The following SAMD12 variants were observed in gnomAD, a reference collection of about 807,000 sequenced individuals.
The protein encoded by SAMD12 is sterile alpha motif domain-containing protein 12.
A neutral mutation model predicts 15.0 loss-of-function variants in SAMD12; 9 were observed. The observed-to-expected ratio is 0.60, with a 90% CI of 0.36 to 1.05. The LOEUF (loss-of-function observed/expected upper bound fraction) is 1.05, where lower values mean the gene tolerates loss of function less well. Among genes scored for constraint, SAMD12 ranks in the 50% least tolerant of loss-of-function variants. The pLI is 0.01. For synonymous variants in SAMD12, 86 were observed against 90.1 expected (o/e 0.96, Z 0.25); for missense variants, 230 against 234.2 (o/e 0.98, Z 0.12).
At chr8:118,275,564 C>T (rs531166618) in intron 4 of SAMD12, among the ~76,000 whole-genome samples, 3 of 152,200 alleles carry the variant, frequency 2.0e-5, no homozygotes, top group South Asian at 4.1e-4. Context: ...GTAATTACAA[C>T]TTTTATTTTA....
rs71292164 is a variant in SAMD12 at position 118,447,704 on chromosome 8, A to ATATTTATTTATTTATTTATT, written c.193-7763_193-7744dup. On this transcript the variant is annotated intron_variant, in intron 2 of 3. Coordinates refer to ENST00000314727, the MANE Select transcript of SAMD12 (RefSeq NM_207506.3). ...TTTATTTTTTTATTTTTTATTTTTA[A>ATATTTATTTATTTATTTATT]TATTTATTTATTTATTTATTTATTT... Among the ~76,000 whole-genome samples, 264 of 138,278 alleles carry ATATTTATTTATTTATTTATT rather than the reference A, an allele frequency of 1.9e-3. 1 individual carries two copies. Among genetic ancestry groups the ATATTTATTTATTTATTTATT allele is most frequent in the African/African-American group, 6.3e-3 (228 of 36,478 alleles). The allele number at this position is 138,278 out of a possible 152,430, so 90.7% of individuals were successfully genotyped here. A position where few individuals can be genotyped will look rare whatever the true frequency, so the allele number is the denominator to read the frequency against.
rs570657064 is a variant in SAMD12 at position 118,508,539 on chromosome 8, T to A, written c.193-68578A>T. ...TGTTAATGTCATTTCAAATTACCCA[T>A]GATTTCTCCATGTCTGAGAAGATAA... On this transcript the variant is annotated intron_variant, in intron 2 of 3. Coordinates refer to ENST00000314727, the MANE Select transcript of SAMD12 (RefSeq NM_207506.3). 6.6e-5 allele frequency among the ~76,000 whole-genome samples: 10 copies of A among 152,360 alleles called. No homozygotes were observed. The South Asian group carries it at 1.9e-3, about 28-fold the overall frequency.
chr8:118,152,454 C>CCTA, the SAMD12 span, among the ~76,000 whole-genome samples: 4 of 144,280 alleles, frequency 2.8e-5, no homozygotes, highest in African/African-American at 1.1e-4. Context: ...CTCCCTCCCT[C>CCTA]CCTACCTTCC....
At chr8:118,132,980 AT>A in the SAMD12 span, among the ~76,000 whole-genome samples, 1 of 18,100 alleles carries the variant, frequency 5.5e-5, no homozygotes, top group African/African-American at 1.9e-4. Flanking sequence ...GTGTATATAT[AT>A]ATATATATAT....
intron 4 of SAMD12, among the ~76,000 whole-genome samples, chr8:118,232,569 G>A (rs938494376): frequency 2.0e-5 from 3 of 152,186 alleles, no homozygotes; most frequent in Non-Finnish European, 4.4e-5. Context: ...ACACCAGGCT[G>A]AGAGTCTCCA....
chr8:118,204,689 G>T (rs1819813236), intron 4 of SAMD12, among the ~76,000 whole-genome samples: 1 of 152,110 alleles, frequency 6.6e-6, no homozygotes. Context: ...GGGAGGCGGG[G>T]CTTGCAATGA....
At chr8:118,232,097 A>G (rs906928098) in intron 4 of SAMD12, among the ~76,000 whole-genome samples, 1 of 152,106 alleles carries the variant, frequency 6.6e-6, no homozygotes, top group African/African-American at 2.4e-5. Flanking sequence ...GCTTTCATAT[A>G]TCTTTTTGGT....
At chr8:118,336,303 G>T (rs1464772021) in intron 4 of SAMD12, among the ~76,000 whole-genome samples, 1 of 152,158 alleles carries the variant, frequency 6.6e-6, no homozygotes, top group African/African-American at 2.4e-5. Flanking sequence ...AAGCATAATT[G>T]CTCTCTTCTA....
chr8:118,338,062 A>G (rs1401834088), intron 4 of SAMD12, among the ~76,000 whole-genome samples: 1 of 152,230 alleles, frequency 6.6e-6, no homozygotes, highest in East Asian at 1.9e-4. Flanking sequence ...TCACTTAACA[A>G]TGTAGCACCT....
intron 4 of SAMD12, among the ~76,000 whole-genome samples, chr8:118,355,067 T>C (rs1818162627): frequency 6.6e-6 from 1 of 152,246 alleles, no homozygotes; most frequent in South Asian, 2.1e-4. Flanking sequence ...GAAGTCATTA[T>C]ATGAAAAAGA....
rs73708497 is a variant in SAMD12, at chr8:118,446,048, T to G, written c.193-6087A>C. On this transcript the variant is annotated intron_variant, in intron 2 of 3. Coordinates refer to ENST00000314727, the MANE Select transcript of SAMD12 (RefSeq NM_207506.3). ...CAAGTAACAGGTGTCAGTTCATCAT[T>G]TGAAATCCTTATTAACCAATGTATT... 8.7e-3 allele frequency among the ~76,000 whole-genome samples: 1,321 copies of G among 152,286 alleles called. 13 individuals carry two copies. Among genetic ancestry groups the G allele is most frequent in the Middle Eastern group, 0.027 (8 of 294 alleles).
chr8:118,536,809 C>A (rs1232085906), intron 2 of SAMD12, among the ~76,000 whole-genome samples: 1 of 152,296 alleles, frequency 6.6e-6, no homozygotes, highest in Non-Finnish European at 1.5e-5. Flanking sequence ...TTATACACCA[C>A]AATTACAGTG....
intron 4 of SAMD12, among the ~76,000 whole-genome samples, chr8:118,332,070 A>G (rs1469468589): frequency 6.6e-6 from 1 of 152,220 alleles, no homozygotes; most frequent in African/African-American, 2.4e-5. Context: ...AACTCAGGCC[A>G]TATAGCAAAA....
In SAMD12 at chr8:118,222,631, G is replaced by A. The variant is rs568475108; in HGVS notation, c.434-24899C>T. 5.3e-5 allele frequency among the ~76,000 whole-genome samples: 8 copies of A among 152,108 alleles called. No homozygotes were observed. The East Asian group carries it at 5.8e-4, about 11-fold the overall frequency. On this transcript the variant is annotated intron_variant, in intron 4 of 4. Coordinates refer to the SAMD12 transcript ENST00000409003. ...AGCGATTCTGCTGCCTCAGTCTCCCGAGTAGCTGGGATTACAGGTGTGTGC... is the reference window on the plus strand; with the variant it reads ...AGCGATTCTGCTGCCTCAGTCTCCCAAGTAGCTGGGATTACAGGTGTGTGC...
At chr8:118,261,209 T>C (rs147207756) in intron 4 of SAMD12, among the ~76,000 whole-genome samples, 3 of 152,236 alleles carry the variant, frequency 2.0e-5, no homozygotes, top group African/African-American at 7.2e-5. Flanking sequence ...ACAGCACCAC[T>C]TATTAGCACT....
intron 2 of SAMD12, among the ~76,000 whole-genome samples, chr8:118,529,035 C>T (rs1825611790): frequency 6.6e-6 from 1 of 152,184 alleles, no homozygotes; most frequent in African/African-American, 2.4e-5. Context: ...ACTTCCTGGT[C>T]CTCTGGCAAG....
chr8:118,427,018 G>C (rs1174523383), intron 3 of SAMD12, among the ~76,000 whole-genome samples: 2 of 152,212 alleles, frequency 1.3e-5, no homozygotes, highest in African/African-American at 4.8e-5. Flanking sequence ...GAAGAGAAGA[G>C]AGTATTGTTC....
intron 2 of SAMD12, among the ~76,000 whole-genome samples, chr8:118,511,361 T>C (rs75679527): frequency 0.072 from 10,970 of 152,266 alleles, 544 homozygotes; most frequent in South Asian, 0.15. Context: ...AATCCACTTT[T>C]TTCACGGTTT....
chr8:118,543,848 A>G (rs2131156600), intron 2 of SAMD12, among the ~76,000 whole-genome samples: 1 of 152,074 alleles, frequency 6.6e-6, no homozygotes, highest in African/African-American at 2.4e-5. Flanking sequence ...GCAAGCACAC[A>G]TTTCTAGAAT....
Sources: allele counts gnomAD v4.1 joint callset (sites outside exome capture counted in the v4.1 genomes callset), GRCh38; gene constraint gnomAD v4.1.1; transcripts MANE v1.5; gene names NCBI Gene and HGNC (gene_info 2026-07-23, HGNC 2026-07-21).